Variants in SIMC1 observed in about 807,000 individuals in gnomAD.
SIMC1 encodes the protein SUMO-interacting motif-containing protein 1.
In SIMC1, 55 loss-of-function variants were observed where a neutral mutation model predicts 82.3. The observed-to-expected ratio is 0.67, with a 90% CI of 0.54 to 0.84. The LOEUF is 0.84. Among genes scored for constraint, SIMC1 ranks in the 40% least tolerant of loss-of-function variants. SIMC1 has a pLI of 0.00. For missense variants in SIMC1, 915 were observed against 1,107.2 expected, an observed-to-expected ratio of 0.83 and a Z score of 2.46; for synonymous variants, 353 against 426.3, an observed-to-expected ratio of 0.83 and a Z score of 2.12.
intron 5 of SIMC1, among the ~76,000 whole-genome samples, chr5:176,317,711 T>C (rs1764979092): frequency 6.6e-6 from 1 of 152,212 alleles, no homozygotes; most frequent in Non-Finnish European, 1.5e-5. Flanking sequence ...GCTTTTCCTT[T>C]CATTCATATC....
chr5:176,257,057 C>T (rs1761869877), intron 1 of SIMC1, among the ~76,000 whole-genome samples: 1 of 151,884 alleles, frequency 6.6e-6, no homozygotes, highest in African/African-American at 2.4e-5. Context: ...ACACCTGGCC[C>T]GTAACATATT....
intron 1 of SIMC1, among the ~76,000 whole-genome samples, chr5:176,254,858 A>G (rs558523577): frequency 6.6e-6 from 1 of 152,388 alleles, no homozygotes; most frequent in Non-Finnish European, 1.5e-5. Context: ...TGAATTTTAG[A>G]GGAATCAAAT....
rs191548106 is a variant in SIMC1 at position 176,281,444 on chromosome 5, C to T, written c.130-8210C>T. On this transcript the variant is annotated intron_variant, in intron 1 of 9. Transcript: ENST00000429602. Reference sequence around the variant, plus strand: ...CTCTCAACTCGTCAAAGTCATTCTCCGTCCAGCTTTGTTCCATTGCTGGTG... The same window carrying T: ...CTCTCAACTCGTCAAAGTCATTCTCTGTCCAGCTTTGTTCCATTGCTGGTG... Among the ~76,000 whole-genome samples the T allele has an allele frequency of 1.3e-3, 201 of 152,342 alleles. 1 individual carries two copies. Among genetic ancestry groups the T allele is most frequent in the African/African-American group, 4.5e-3 (189 of 41,576 alleles).
At chr5:176,247,784 TA>T (rs1761500420) in intron 1 of SIMC1, among the ~76,000 whole-genome samples, 2 of 151,896 alleles carry the variant, frequency 1.3e-5, no homozygotes, top group Non-Finnish European at 2.9e-5. Context: ...AATTTTTGTA[TA>T]AGGTGTAAGG....
chr5:176,336,672 T>C (rs1765909459), intron 7 of SIMC1, 48 bp from the exon 8 acceptor site: 1 of 1,596,586 alleles, frequency 6.3e-7, no homozygotes. Flanking sequence ...TCATGTTCTT[T>C]GAAGCATAGT....
intron 2 of SIMC1, among the ~76,000 whole-genome samples, chr5:176,294,700 C>T (rs1763727966): frequency 6.6e-6 from 1 of 151,778 alleles, no homozygotes; most frequent in East Asian, 1.9e-4. Flanking sequence ...CCGTGGCTCA[C>T]ACCTGTAATC....
In SIMC1 at chr5:176,317,434, C is replaced by T. The variant is rs186066678; in HGVS notation, c.1889+3589C>T. The stretch of plus-strand genomic sequence containing the variant: ...CTTTAATTGATTTTTTAAATATTTA[C>T]CCCCATATGGCAAAATATACCCCCA... On this transcript the variant is annotated intron_variant, in intron 5 of 9. Coordinates refer to ENST00000429602, the MANE Select transcript of SIMC1 (RefSeq NM_001308195.2). 7.1e-4 allele frequency among the ~76,000 whole-genome samples: 108 copies of T among 152,194 alleles called. No individual in the cohort carries two copies. The Middle Eastern group carries it at 0.01, about 14-fold the overall frequency.
chr5:176,339,709 C>A (rs945437055), intron 9 of SIMC1, among the ~76,000 whole-genome samples: 1 of 152,106 alleles, frequency 6.6e-6, no homozygotes, highest in Non-Finnish European at 1.5e-5. Context: ...GAGAGAAAGG[C>A]CTCAAACCAG....
chr5:176,337,658 C>T (rs922880837), intron 9 of SIMC1, among the ~76,000 whole-genome samples: 2 of 152,154 alleles, frequency 1.3e-5, no homozygotes, highest in Non-Finnish European at 2.9e-5. Flanking sequence ...CCTGAAGACC[C>T]CTGGCATCCT....
Position 176,301,410 on chromosome 5 carries a change from C to T in SIMC1, c.1734+5090C>T, listed in dbSNP as rs570631392. On this transcript the variant is annotated intron_variant, in intron 4 of 9. Coordinates refer to ENST00000429602, the MANE Select transcript of SIMC1 (RefSeq NM_001308195.2). Reference sequence around the variant, plus strand: ...ACTGTAAGGCAACTAAACCTCTTTCCATTATAAATTACCCAGTCTAGGGTA... The same window carrying T: ...ACTGTAAGGCAACTAAACCTCTTTCTATTATAAATTACCCAGTCTAGGGTA... Among the ~76,000 whole-genome samples, 433 of 152,260 alleles carry T rather than the reference C, an allele frequency of 2.8e-3. 4 individuals are homozygous for T. Among genetic ancestry groups the T allele is most frequent in the South Asian group, 0.026 (127 of 4,824 alleles).
intron 9 of SIMC1, among the ~76,000 whole-genome samples, chr5:176,342,965 G>A (rs1766216656): frequency 6.6e-6 from 1 of 152,186 alleles, no homozygotes; most frequent in Non-Finnish European, 1.5e-5. Flanking sequence ...TGCAGTAGGT[G>A]CTCAGTAAAT....
At chr5:176,273,872 T>C (rs1382849155) in intron 1 of SIMC1, among the ~76,000 whole-genome samples, 2 of 152,102 alleles carry the variant, frequency 1.3e-5, no homozygotes, top group Admixed American at 6.6e-5. Context: ...CCATGGTGTA[T>C]ATGTGCCACA....
chr5:176,318,835 G>A (rs1371788567), intron 5 of SIMC1, among the ~76,000 whole-genome samples: 3 of 152,338 alleles, frequency 2.0e-5, no homozygotes, highest in African/African-American at 7.2e-5. Context: ...AGTCGGGCGT[G>A]GTGGCTCACG....
At chr5:176,287,362 A>G (rs1179026897) in intron 1 of SIMC1, among the ~76,000 whole-genome samples, 1 of 152,246 alleles carries the variant, frequency 6.6e-6, no homozygotes, top group Admixed American at 6.5e-5. Context: ...CATCATTCTC[A>G]GTAAACTATC....
intron 1 of SIMC1, among the ~76,000 whole-genome samples, chr5:176,273,242 G>A (rs934399679): frequency 6.6e-6 from 1 of 152,180 alleles, no homozygotes; most frequent in Admixed American, 6.5e-5. Context: ...GCTTCCAGAG[G>A]AACGATCAGG....
intron 7 of SIMC1, among the ~76,000 whole-genome samples, chr5:176,335,525 G>A (rs1194678628): frequency 1.3e-5 from 2 of 151,546 alleles, no homozygotes; most frequent in Non-Finnish European, 2.9e-5. Context: ...CAGTCCACCC[G>A]CCTCGGCCTC....
chr5:176,335,191 T>G (rs1765836816), intron 7 of SIMC1, among the ~76,000 whole-genome samples: 1 of 152,144 alleles, frequency 6.6e-6, no homozygotes. Flanking sequence ...CCTCTGGTTT[T>G]ATCATTGATT....
rs751103393 is a variant in SIMC1, at chr5:176,290,896, C to A, written c.1372C>A (p.Arg458Ser). ...CCTGCATAGACTGAAGTACTTCTTA[C>A]GTCCTCCGGTTCATCACCTCTTCTT... ...PCLHRLKYFL[R>S]PPVHHLFFQT... The change falls in exon 2 of 10, where the codon CGT becomes AGT. Residue 458 changes from arginine to serine, a missense_variant. Coordinates refer to ENST00000429602, the MANE Select transcript of SIMC1 (RefSeq NM_001308195.2). The A allele has an allele frequency of 2.2e-5, 36 of 1,611,886 alleles. No homozygotes were observed. Among genetic ancestry groups the A allele is most frequent in the African/African-American group, 4.0e-5 (3 of 74,888 alleles).
At chr5:176,275,879 T>G (rs1561685158) in intron 1 of SIMC1, among the ~76,000 whole-genome samples, 1 of 151,688 alleles carries the variant, frequency 6.6e-6, no homozygotes, top group Admixed American at 6.6e-5. Context: ...TTTGCTAGTA[T>G]TTTATTGAGG....
Sources: gnomAD v4.1 joint callset for allele counts (sites outside exome capture counted in the v4.1 genomes callset) on GRCh38, gnomAD v4.1.1 for gene constraint, MANE v1.5 for transcripts, NCBI Gene and HGNC (gene_info 2026-07-23, HGNC 2026-07-21) for gene names.